The following ORC4 variants were observed in gnomAD, a reference collection of about 807,000 sequenced individuals.
ORC4 encodes origin recognition complex subunit 4, also known as origin recognition complex, subunit 4 homolog.
Under a neutral mutation model 63.9 loss-of-function variants are expected in ORC4, and 55 were observed. That is an observed-to-expected ratio of 0.86 (90% CI 0.69 to 1.08). ORC4 has a LOEUF of 1.08. ORC4 is among the 50% of genes least tolerant of loss of function. ORC4 has a pLI of 0.00. For synonymous variants in ORC4, 150 were observed against 168.5 expected (o/e 0.89, Z 0.85); for missense variants, 511 against 504.4 (o/e 1.01, Z -0.13).
intron 4 of ORC4, among the ~76,000 whole-genome samples, chr2:147,968,520 G>T (rs986320488): frequency 6.6e-6 from 1 of 151,918 alleles, no homozygotes; most frequent in Non-Finnish European, 1.5e-5. Context: ...TATAGCCAAC[G>T]AATACATGAA....
intron 1 of ORC4, among the ~76,000 whole-genome samples, chr2:148,010,441 T>C (rs1692893902): frequency 6.6e-6 from 1 of 151,502 alleles, no homozygotes; most frequent in African/African-American, 2.4e-5. Flanking sequence ...ACAAAATCAA[T>C]GAACCTTTAC....
intron 9 of ORC4, among the ~76,000 whole-genome samples, chr2:147,947,490 A>T (rs960744974): frequency 1.3e-5 from 2 of 152,034 alleles, no homozygotes; most frequent in Non-Finnish European, 2.9e-5. Context: ...CAAATCTTTA[A>T]AACAACATAT....
chr2:147,985,943 A>G (rs1463058601), intron 1 of ORC4, among the ~76,000 whole-genome samples: 1 of 152,212 alleles, frequency 6.6e-6, no homozygotes, highest in Non-Finnish European at 1.5e-5. Context: ...CAAACATCAG[A>G]AAGTTCATCA....
intron 4 of ORC4, among the ~76,000 whole-genome samples, chr2:147,959,931 T>A (rs1020260037): frequency 6.6e-6 from 1 of 152,176 alleles, no homozygotes; most frequent in Non-Finnish European, 1.5e-5. Context: ...GACACTATAA[T>A]AAGAGTACAT....
intron 1 of ORC4, among the ~76,000 whole-genome samples, chr2:148,017,014 C>G (rs1693339225): frequency 6.6e-6 from 1 of 152,166 alleles, no homozygotes; most frequent in Admixed American, 6.5e-5. Flanking sequence ...AACTGACCAT[C>G]AGAATGTCTG....
At chr2:148,015,140 C>T (rs1404212658) in intron 1 of ORC4, among the ~76,000 whole-genome samples, 1 of 150,514 alleles carries the variant, frequency 6.6e-6, no homozygotes, top group Admixed American at 6.6e-5. Flanking sequence ...AAAAGAATTC[C>T]ACACAAAAAG....
chr2:147,992,259 A>C (rs926649158), intron 1 of ORC4, among the ~76,000 whole-genome samples: 3 of 151,976 alleles, frequency 2.0e-5, no homozygotes, highest in Non-Finnish European at 4.4e-5. Flanking sequence ...ATCAACGAAA[A>C]CTTTTTTTTG....
rs551130261 is a variant in ORC4 at position 147,958,926 on chromosome 2, G to A, written c.226-60C>T. ...AAAAGATAAAAATAAGTCCATATTC[G>A]TTTTTAAACTACAAGCAGTAAGAAC... On this transcript the variant is annotated intron_variant, in intron 4 of 13. Transcript: ENST00000392857. 226 of 730,828 alleles carry A rather than the reference G, an allele frequency of 3.1e-4. 1 individual carries two copies. The highest frequency in any genetic ancestry group is 2.6e-3 in the South Asian group (163 of 63,394). 45.3% of individuals were successfully genotyped at this position (730,828 alleles called of 1,614,324 possible). A position where few individuals can be genotyped will look rare whatever the true frequency, so the allele number is the denominator to read the frequency against.
At chr2:148,015,137 T>A (rs1413838956) in intron 1 of ORC4, among the ~76,000 whole-genome samples, 1 of 150,056 alleles carries the variant, frequency 6.7e-6, no homozygotes, top group Non-Finnish European at 1.5e-5. Context: ...AAGAAAAGAA[T>A]TCCACACAAA....
chr2:147,956,063 G>C (rs750644835), intron 6 of ORC4, among the ~76,000 whole-genome samples: 1 of 151,890 alleles, frequency 6.6e-6, no homozygotes, highest in Non-Finnish European at 1.5e-5. Context: ...TCCAGATTGT[G>C]GGTAGAAGCC....
At chr2:147,991,317 G>A (rs1691590941) in intron 1 of ORC4, among the ~76,000 whole-genome samples, 1 of 151,890 alleles carries the variant, frequency 6.6e-6, no homozygotes, top group Non-Finnish European at 1.5e-5. Flanking sequence ...AAGTGCTGCT[G>A]GGATTACAGG....
intron 7 of ORC4, among the ~76,000 whole-genome samples, chr2:147,952,953 G>A (rs1689043870): frequency 6.6e-6 from 1 of 151,996 alleles, no homozygotes; most frequent in Non-Finnish European, 1.5e-5. Context: ...TTGAACCCAG[G>A]AGGCAGAGGT....
Position 147,935,611 on chromosome 2 carries a change from G to T in ORC4, c.1210C>A (p.Leu404Met). ...ATAATTTGAGTATTATCCAAAAGCA[G>T]TTTCATCAGCTGGTACTCTCTCTGT... is the stretch of plus-strand genomic sequence containing the variant. ...NSQREYQLMK[L>M]LLDNTQIMNA... The change falls in exon 14 of 14, where the codon CTG becomes ATG. Residue 404 changes from leucine to methionine, a missense_variant. Physicochemically the swap from Leu to Met is conservative, Grantham distance 15 (BLOSUM62 2). Transcript: ENST00000392857. 6.2e-7 allele frequency: 1 copy of T among 1,613,496 alleles called. No homozygotes were observed. The highest frequency in any genetic ancestry group is 8.5e-7 in the Non-Finnish European group (1 of 1,179,552).
intron 1 of ORC4, among the ~76,000 whole-genome samples, chr2:148,016,060 T>A (rs1393713729): frequency 6.6e-6 from 1 of 152,174 alleles, no homozygotes; most frequent in Non-Finnish European, 1.5e-5. Context: ...TGTTCAGTAT[T>A]TGAAGCAAAT....
rs376350848 is a variant in ORC4 at position 147,952,360 on chromosome 2, C to T, written c.588+13G>A. On this transcript the variant is annotated intron_variant, in intron 8 of 13. Transcript: ENST00000392857. ...TATTATAATCAATTTTTTTAATGAA[C>T]AGAAAGACTTACCAATCTACATGTA... 52 of 1,568,056 alleles carry T rather than the reference C, an allele frequency of 3.3e-5. No homozygotes were observed. In the African/African-American group the frequency reaches 6.4e-4, roughly 19 times the overall value.
intron 9 of ORC4, among the ~76,000 whole-genome samples, chr2:147,943,884 T>C (rs1370950071): frequency 2.0e-5 from 3 of 152,082 alleles, no homozygotes; most frequent in Non-Finnish European, 4.4e-5. Flanking sequence ...CAAGGTAAAG[T>C]ATTACAAAGA....
At chr2:147,993,437 A>G (rs1194060407) in intron 1 of ORC4, among the ~76,000 whole-genome samples, 1 of 152,214 alleles carries the variant, frequency 6.6e-6, no homozygotes, top group East Asian at 1.9e-4. Flanking sequence ...AAATTATCCT[A>G]GAAAAATCTT....
intron 4 of ORC4, among the ~76,000 whole-genome samples, chr2:147,959,216 T>C (rs576907057): frequency 6.6e-6 from 1 of 152,170 alleles, no homozygotes; most frequent in East Asian, 1.9e-4. Flanking sequence ...TACACATCTC[T>C]CTGACAATTA....
chr2:147,970,728 T>C (rs1690163463), intron 4 of ORC4, among the ~76,000 whole-genome samples: 1 of 152,114 alleles, frequency 6.6e-6, no homozygotes, highest in African/African-American at 2.4e-5. Flanking sequence ...ATAAAGCTTG[T>C]AGAAGATACA....
Sources: allele counts gnomAD v4.1 joint callset (sites outside exome capture counted in the v4.1 genomes callset), GRCh38; gene constraint gnomAD v4.1.1; transcripts MANE v1.5; gene names NCBI Gene and HGNC (gene_info 2026-07-23, HGNC 2026-07-21).